MRPS35: variants seen among roughly 807,000 people sequenced by gnomAD.
The protein encoded by MRPS35 is mitochondrial ribosomal protein S35.
A neutral mutation model predicts 32.7 loss-of-function variants in MRPS35; 29 were observed. The ratio of observed to expected loss-of-function variants is 0.89; its 90% CI spans 0.66 to 1.21. MRPS35 has a LOEUF of 1.21. MRPS35 is among the 50% of genes most tolerant of loss of function. The pLI is 0.00. For synonymous variants in MRPS35, 148 were observed against 139.3 expected (o/e 1.06, Z -0.44); for missense variants, 373 against 383.8 (o/e 0.97, Z 0.23).
chr12:27,730,767 G>A (rs1398953480), intron 5 of MRPS35, among the ~76,000 whole-genome samples: 2 of 152,064 alleles, frequency 1.3e-5, no homozygotes, highest in Admixed American at 6.5e-5. Flanking sequence ...CCACTGTGCC[G>A]GCCATGATTT....
intron 5 of MRPS35, among the ~76,000 whole-genome samples, chr12:27,733,299 C>T (rs1461992471): frequency 6.6e-6 from 1 of 152,004 alleles, no homozygotes; most frequent in African/African-American, 2.4e-5. Flanking sequence ...TGATTTTTGG[C>T]ATAAACTCCA....
At chr12:27,739,021 C>T (rs1004486390) in intron 7 of MRPS35, among the ~76,000 whole-genome samples, 2 of 151,674 alleles carry the variant, frequency 1.3e-5, no homozygotes, top group Admixed American at 6.6e-5. Context: ...TTATTCTTCC[C>T]GAGTAGCCAG....
At position 27,733,030 on chromosome 12, in the gene MRPS35, A is replaced by ATCTATC. The variant is rs1466448196; in HGVS notation, c.523-2416_523-2415insCTATCT. ...TATATATATATATATATATATATAT[A>ATCTATC]TATATATATATCCAGCACCTCCTGT... On this transcript the variant is annotated intron_variant, in intron 5 of 7. Transcript: ENST00000081029. 1.5e-4 allele frequency among the ~76,000 whole-genome samples: 18 copies of ATCTATC among 123,210 alleles called. No homozygotes were observed. The East Asian group carries it at 3.5e-3, about 24-fold the overall frequency. The allele number at this position is 123,210 out of a possible 152,430, so 80.8% of individuals were successfully genotyped here.
chr12:27,751,569 G>T (rs1001068337), intron 7 of MRPS35, among the ~76,000 whole-genome samples: 5 of 152,054 alleles, frequency 3.3e-5, no homozygotes, highest in African/African-American at 1.2e-4. Flanking sequence ...CCATGCCTGC[G>T]GCTTCCCAGA....
At chr12:27,712,469 A>G (rs1358767046) in intron 1 of MRPS35, among the ~76,000 whole-genome samples, 2 of 152,308 alleles carry the variant, frequency 1.3e-5, no homozygotes, top group East Asian at 1.9e-4. Context: ...GTGGAAGCCA[A>G]AGATCTGTTT....
rs535969407 is a variant in MRPS35 at position 27,737,282 on chromosome 12, G to A, written c.633-257G>A. ...CACAATCCTAGTAAAAGTAGCGTAA[G>A]CTATTGTTACATACAGATAACTCCA... On this transcript the variant is annotated intron_variant, in intron 6 of 7. Coordinates refer to ENST00000081029, the MANE Select transcript of MRPS35 (RefSeq NM_021821.4). Among the ~76,000 whole-genome samples the A allele has an allele frequency of 3.3e-5, 5 of 152,326 alleles. No individual in the cohort carries two copies. In the East Asian group the frequency reaches 9.6e-4, roughly 29 times the overall value.
At chr12:27,714,853 G>T in intron 2 of MRPS35, 33 bp downstream of exon 2, 5 of 1,573,942 alleles carry the variant, frequency 3.2e-6, no homozygotes, top group Non-Finnish European at 4.4e-6. Flanking sequence ...TATCTTAATG[G>T]TTTCTGGAGT....
chr12:27,712,421 G>C (rs778937461), intron 1 of MRPS35, among the ~76,000 whole-genome samples: 1 of 152,178 alleles, frequency 6.6e-6, no homozygotes, highest in South Asian at 2.1e-4. Flanking sequence ...TGTGATTTAC[G>C]TTTTTAAAAG....
chr12:27,727,240 C>T (rs186250672), intron 5 of MRPS35, among the ~76,000 whole-genome samples: 76 of 152,152 alleles, frequency 5.0e-4, no homozygotes, highest in Non-Finnish European at 1.0e-3. Flanking sequence ...GGATTAGAGG[C>T]GTGAGCCTTT....
At chr12:27,718,829 A>G (rs547667810) in intron 3 of MRPS35, among the ~76,000 whole-genome samples, 24 of 152,288 alleles carry the variant, frequency 1.6e-4, no homozygotes, top group African/African-American at 5.5e-4. Context: ...GCTCACACCT[A>G]TAATCCCAGC....
chr12:27,716,566 A>C, intron 3 of MRPS35, 108 bp downstream of exon 3: 1 of 1,015,738 alleles, frequency 9.8e-7, no homozygotes, highest in South Asian at 1.6e-5. Context: ...ATAGCAGCTT[A>C]GTGTATTTTA....
At chr12:27,744,304 G>A (rs2140779279) in intron 7 of MRPS35, among the ~76,000 whole-genome samples, 1 of 152,066 alleles carries the variant, frequency 6.6e-6, no homozygotes, top group Admixed American at 6.5e-5. Context: ...TTTCATAGCA[G>A]CTATTGAGGC....
chr12:27,753,971 A>G (rs192851662), intron 7 of MRPS35, among the ~76,000 whole-genome samples: 5 of 152,240 alleles, frequency 3.3e-5, no homozygotes, highest in Non-Finnish European at 7.3e-5. Context: ...ATTCCAGGAT[A>G]GGCTGGGTGT....
At chr12:27,734,934 C>G (rs1256722250) in intron 5 of MRPS35, among the ~76,000 whole-genome samples, 6 of 152,120 alleles carry the variant, frequency 3.9e-5, no homozygotes, top group African/African-American at 1.4e-4. Flanking sequence ...TTGTTTTGAT[C>G]CTTCCCTGAT....
intron 4 of MRPS35, among the ~76,000 whole-genome samples, chr12:27,723,687 G>C (rs2061886584): frequency 1.3e-5 from 2 of 152,118 alleles, no homozygotes; most frequent in Non-Finnish European, 2.9e-5. Context: ...AAACAGTAAT[G>C]CTGTGGGCAC....
chr12:27,749,123 AC>A (rs1415213689), intron 7 of MRPS35, among the ~76,000 whole-genome samples: 1 of 131,612 alleles, frequency 7.6e-6, no homozygotes, highest in African/African-American at 3.0e-5. Flanking sequence ...TCTTTGGGTA[AC>A]AGAATTATGG....
At chr12:27,748,438 G>GGTGTGTGT (rs35760106) in intron 7 of MRPS35, among the ~76,000 whole-genome samples, 7,111 of 146,000 alleles carry the variant, frequency 0.049, 210 homozygotes, top group South Asian at 0.084. Context: ...AAAGAAAAGT[G>GGTGTGTGT]GTGTGTGTGT....
intron 2 of MRPS35, among the ~76,000 whole-genome samples, 195 bp downstream of exon 2, chr12:27,715,015 T>C (rs573123248): frequency 1.3e-5 from 2 of 152,334 alleles, no homozygotes; most frequent in South Asian, 2.1e-4. Context: ...CTTTGAGAGG[T>C]TGACTTACTG....
intron 1 of MRPS35, 32 bp downstream of exon 1, chr12:27,710,987 G>T: frequency 6.3e-7 from 1 of 1,590,510 alleles, no homozygotes; most frequent in Non-Finnish European, 8.6e-7. Context: ...TCTGGGCTTT[G>T]GGGGAGGTGC....
Sources: gnomAD v4.1 joint callset for allele counts (sites outside exome capture counted in the v4.1 genomes callset) on GRCh38, gnomAD v4.1.1 for gene constraint, MANE v1.5 for transcripts, NCBI Gene and HGNC (gene_info 2026-07-23, HGNC 2026-07-21) for gene names.